Variants in LZTR1 observed in about 807,000 individuals in gnomAD.
The protein encoded by LZTR1 is leucine-zipper-like transcriptional regulator 1.
A neutral mutation model predicts 105.7 loss-of-function variants in LZTR1; 260 were observed. The observed-to-expected ratio is 2.46, with a 90% CI of 2.22 to 2.72. The LOEUF (loss-of-function observed/expected upper bound fraction) is 2.72, where lower values mean the gene tolerates loss of function less well. Among genes scored for constraint, LZTR1 ranks in the 30% most tolerant of loss-of-function variants. The pLI, the probability that LZTR1 is intolerant of heterozygous loss-of-function variation, is 0.00. For missense variants in LZTR1, 1,214 were observed against 1,166.9 expected (o/e 1.04, Z -0.59); for synonymous variants, 490 against 476.4 (o/e 1.03, Z -0.37).
At chr22:20,997,122 C>A in intron 20 of LZTR1, 110 bp from the exon 21 acceptor site, 1 of 1,123,504 alleles carries the variant, frequency 8.9e-7, no homozygotes, top group Non-Finnish European at 1.3e-6. Context: ...TTGCTTCATC[C>A]TTGGGACCAG....
chr22:20,994,547 C>G lies in LZTR1; in HGVS notation c.1616-11C>G, dbSNP rs767886246. On this transcript the variant is annotated splice_polypyrimidine_tract_variant and intron_variant, in intron 14 of 20. Coordinates refer to ENST00000646124, the MANE Select transcript of LZTR1 (RefSeq NM_006767.4). ...TCCGGCTCCCTGAGATTCGGGGGCT[C>G]TGGGGCGCAGGCCATGTGGAGGATG... is the stretch of plus-strand genomic sequence containing the variant. 1.2e-6 allele frequency: 2 copies of G among 1,606,300 alleles called. No homozygotes were observed. The highest frequency in any genetic ancestry group is 1.1e-5 in the South Asian group (1 of 91,020).
rs756813850 is a variant in LZTR1 at position 20,994,028 on chromosome 22, C to T, written c.1449+9C>T. 1 of 1,600,250 alleles carries T rather than the reference C, an allele frequency of 6.2e-7. No individual in the cohort carries two copies. Among genetic ancestry groups the T allele is most frequent in the Admixed American group, 1.7e-5 (1 of 57,362 alleles). ...GGGAGAGGCTGGCCCAGGTGAGGTG[C>T]CTAACCGCCCTGCCCTGACCTGGCA... is the stretch of plus-strand genomic sequence containing the variant. On this transcript the variant is annotated intron_variant, in intron 13 of 20. Transcript: ENST00000646124.
chr22:20,993,812 G>C, intron 12 of LZTR1, 58 bp downstream of exon 12: 2 of 1,575,686 alleles, frequency 1.3e-6, no homozygotes, highest in Non-Finnish European at 1.7e-6. Flanking sequence ...TGGGAATTTC[G>C]CCCCTCAGAA....
At chr22:20,983,675 G>T (rs7289487) in intron 2 of LZTR1, among the ~76,000 whole-genome samples, 69,321 of 152,046 alleles carry the variant, frequency 0.46, 17,158 homozygotes, top group African/African-American at 0.65. Context: ...AGCCCTGGAA[G>T]GTCTGGCCTC....
chr22:20,987,121 C>T (rs118183255), intron 3 of LZTR1: 2,016 of 165,988 alleles, frequency 0.012, 21 homozygotes, highest in African/African-American at 0.032. Flanking sequence ...TAGCTGGGCG[C>T]GGTGGCTCAC....
rs1924718115 is a variant in LZTR1, at chr22:20,994,157, TGGTGG to T, written c.1506_1510del (p.Gly503ProfsTer164). On this transcript the variant is annotated frameshift_variant, in exon 14 of 21. Transcript: ENST00000646124. LOFTEE classifies it high-confidence loss of function. ...CCAGGGAGGCCCCCGGCGTGGCTGC[TGGTGG>T]GGCCCGGCCGCCCCTGCTGCACGTG... The T allele has an allele frequency of 6.3e-7, 1 of 1,596,946 alleles. No homozygotes were observed. The highest frequency in any genetic ancestry group is 1.3e-5 in the African/African-American group (1 of 74,698).
intron 2 of LZTR1, among the ~76,000 whole-genome samples, chr22:20,985,392 C>G (rs567916973): frequency 4.0e-5 from 6 of 151,898 alleles, no homozygotes; most frequent in Non-Finnish European, 1.5e-5. Context: ...TAAGAAGTGG[C>G]AGGAAGATCA....
chr22:20,991,475 C>G, intron 8 of LZTR1, 153 bp from the exon 9 acceptor site: 1 of 634,896 alleles, frequency 1.6e-6, no homozygotes, highest in South Asian at 1.9e-5. Context: ...GTGAGAGGTG[C>G]TCAGCGCAGG....
chr22:20,988,273 T>C (rs1924473296), intron 5 of LZTR1, among the ~76,000 whole-genome samples, 155 bp downstream of exon 5: 1 of 152,146 alleles, frequency 6.6e-6, no homozygotes, highest in South Asian at 2.1e-4. Flanking sequence ...CAGCTATGCA[T>C]GGCCTGCTCC....
chr22:20,986,416 A>AGATT (rs1323980127), intron 3 of LZTR1: 3 of 143,940 alleles, frequency 2.1e-5, no homozygotes, highest in African/African-American at 8.5e-5. Flanking sequence ...ATAGATAGAT[A>AGATT]GAAAGAAAGA....
rs1354044140 is a variant in LZTR1, at chr22:20,994,590, G to A, written c.1648G>A (p.Val550Met). The part of the protein sequence containing the change: ...HVEDVLLIMD[V>M]YKLALSFQLC... ...GGAGGATGTGCTGCTCATCATGGAT[G>A]TGTACAAACTGGCACTGAGCTTCCA... The change falls in exon 15 of 21, where the codon GTG (valine) becomes ATG (methionine). Residue 550 changes from valine to methionine, a missense_variant. By Grantham distance (21) the Val-to-Met change is conservative. Coordinates refer to ENST00000646124, the MANE Select transcript of LZTR1 (RefSeq NM_006767.4). 6.2e-7 allele frequency: 1 copy of A among 1,612,112 alleles called. No homozygotes were observed. The highest frequency in any genetic ancestry group is 8.5e-7 in the Non-Finnish European group (1 of 1,179,984).
chr22:20,997,021 C>A, intron 20 of LZTR1, 55 bp downstream of exon 20: 1 of 1,579,038 alleles, frequency 6.3e-7, no homozygotes, highest in South Asian at 1.1e-5. Flanking sequence ...GTGGCCATGC[C>A]CAGGCAGGGA....
chr22:20,984,091 G>T (rs997510104), intron 2 of LZTR1, among the ~76,000 whole-genome samples: 1 of 152,094 alleles, frequency 6.6e-6, no homozygotes, highest in Non-Finnish European at 1.5e-5. Flanking sequence ...TCACCTTCCT[G>T]CCCCTCCTCT....
Position 20,997,719 on chromosome 22 carries a change from C to T in LZTR1, c.*371C>T. ...CTGTGGCCTGGGCGTGTTGTGGACTCAGGCACTGGGGCCTGTCACCAAGGC... is the reference window on the plus strand; with the variant it reads ...CTGTGGCCTGGGCGTGTTGTGGACTTAGGCACTGGGGCCTGTCACCAAGGC... On this transcript the variant is annotated 3_prime_UTR_variant, in exon 21 of 21. Coordinates refer to ENST00000646124, the MANE Select transcript of LZTR1 (RefSeq NM_006767.4). The T allele has an allele frequency of 5.2e-6, 1 of 192,368 alleles. No homozygotes were observed. The allele number at this position is 192,368 out of a possible 1,614,324, so 11.9% of individuals were successfully genotyped here.
At chr22:20,996,347 C>T in intron 18 of LZTR1, 1 of 602,430 alleles carries the variant, frequency 1.7e-6, no homozygotes. Flanking sequence ...CTCACAACTG[C>T]CCAGAGGACG....
chr22:20,995,393 T>C (rs1211745304), intron 16 of LZTR1: 2 of 607,774 alleles, frequency 3.3e-6, no homozygotes, highest in Non-Finnish European at 6.3e-6. Context: ...CAGCTCTCCC[T>C]GGGGCTTGTG....
intron 3 of LZTR1, chr22:20,986,245 A>T (rs1461745374): frequency 1.9e-5 from 4 of 212,268 alleles, no homozygotes; most frequent in African/African-American, 6.9e-5. Context: ...AAATTAATTT[A>T]AAAAATCATT....
Position 20,993,747 on chromosome 22 carries a change from T to C in LZTR1, c.1346T>C (p.Leu449Pro). The C allele has an allele frequency of 6.2e-7, 1 of 1,612,500 alleles. No homozygotes were observed. Among genetic ancestry groups the C allele is most frequent in the Non-Finnish European group, 8.5e-7 (1 of 1,179,594 alleles). The change falls in exon 12 of 21, where the codon CTG becomes CCG. Residue 449 changes from leucine (L) to proline (P), a missense_variant. Transcript: ENST00000646124. Reference protein sequence around the residue: ...SRQFCDVEFVLGEKEECVQGH... With the variant: ...SRQFCDVEFVPGEKEECVQGH... ...CAGTTCTGCGACGTGGAGTTCGTGC[T>C]GGGTGAGGTGGGTGCCTGTCCTCGC...
Position 20,994,152 on chromosome 22 carries a change from G to GCT in LZTR1, c.1499_1500dup (p.Ala501LeufsTer56). On this transcript the variant is annotated frameshift_variant, in exon 14 of 21. Coordinates refer to ENST00000646124, the MANE Select transcript of LZTR1 (RefSeq NM_006767.4). LOFTEE classifies it high-confidence loss of function. ...AGTTCCCAGGGAGGCCCCCGGCGTG[G>GCT]CTGCTGGTGGGGCCCGGCCGCCCCT... is the stretch of plus-strand genomic sequence containing the variant. 1 of 1,595,848 alleles carries GCT rather than the reference G, an allele frequency of 6.3e-7. No homozygotes were observed. The highest frequency in any genetic ancestry group is 8.5e-7 in the Non-Finnish European group (1 of 1,171,640).
Sources: gnomAD v4.1 joint callset for allele counts (sites outside exome capture counted in the v4.1 genomes callset) on GRCh38, gnomAD v4.1.1 for gene constraint, MANE v1.5 for transcripts, NCBI Gene and HGNC (gene_info 2026-07-23, HGNC 2026-07-21) for gene names.